Variants in SCFD2 observed in about 807,000 individuals in gnomAD.
SCFD2 encodes the protein sec1 family domain containing 2.
A neutral mutation model predicts 58.9 loss-of-function variants in SCFD2; 54 were observed. That is an observed-to-expected ratio of 0.92 (90% CI 0.74 to 1.15). The LOEUF (loss-of-function observed/expected upper bound fraction) is 1.15. SCFD2 is among the 50% of genes most tolerant of loss of function. The pLI, the probability that SCFD2 is intolerant of heterozygous loss-of-function variation, is 0.00. For missense variants in SCFD2, 805 were observed against 836.6 expected (o/e 0.96, Z 0.47); for synonymous variants, 321 against 335.9 (o/e 0.96, Z 0.49).
rs547100292 is a variant in SCFD2, at chr4:53,215,424, G to A, written c.1311+58402C>T. 1.3e-4 allele frequency among the ~76,000 whole-genome samples: 20 copies of A among 152,224 alleles called. No individual in the cohort carries two copies. In the South Asian group the frequency reaches 3.9e-3, roughly 30 times the overall value. On this transcript the variant is annotated intron_variant, in intron 4 of 8. Transcript: ENST00000401642. ...TATTCTCTTTGAAGCAATTGTGAAT[G>A]GGAGTTCACTCATGATTTGGCTGTC...
chr4:53,087,454 C>T (rs1724339826), intron 5 of SCFD2, among the ~76,000 whole-genome samples: 1 of 152,128 alleles, frequency 6.6e-6, no homozygotes, highest in Non-Finnish European at 1.5e-5. Context: ...CTGCCTCAGC[C>T]TCCCAAGTAG....
intron 5 of SCFD2, among the ~76,000 whole-genome samples, chr4:52,972,055 C>A (rs1721117164): frequency 6.6e-6 from 1 of 152,180 alleles, no homozygotes; most frequent in South Asian, 2.1e-4. Context: ...CCAGCCACTG[C>A]AAAAACATGC....
chr4:53,203,906 TG>T (rs1290567263), intron 4 of SCFD2, among the ~76,000 whole-genome samples: 1 of 152,168 alleles, frequency 6.6e-6, no homozygotes, highest in African/African-American at 2.4e-5. Context: ...AATCACATTT[TG>T]GTCTAGGAAT....
At chr4:52,883,057 T>C (rs963433740) in intron 8 of SCFD2, among the ~76,000 whole-genome samples, 2 of 152,212 alleles carry the variant, frequency 1.3e-5, no homozygotes, top group African/African-American at 2.4e-5. Flanking sequence ...ATAGATTCCA[T>C]AGAACCTATC....
chr4:53,067,518 G>A (rs781450749), intron 5 of SCFD2, among the ~76,000 whole-genome samples: 4 of 152,062 alleles, frequency 2.6e-5, no homozygotes, highest in South Asian at 4.1e-4. Context: ...GTGGGACTAG[G>A]TGGAGATAAC....
chr4:53,150,979 G>C (rs1427279892), intron 4 of SCFD2, among the ~76,000 whole-genome samples: 7 of 152,162 alleles, frequency 4.6e-5, no homozygotes, highest in Non-Finnish European at 8.8e-5. Context: ...TGTAACGTCA[G>C]AAGTGAATTA....
At chr4:53,302,059 T>C (rs1158836911) in intron 3 of SCFD2, among the ~76,000 whole-genome samples, 1 of 152,160 alleles carries the variant, frequency 6.6e-6, no homozygotes, top group Non-Finnish European at 1.5e-5. Flanking sequence ...GGATGCCCTC[T>C]CTCACCACTC....
chr4:53,259,478 CT>C (rs1011970535), intron 4 of SCFD2, among the ~76,000 whole-genome samples: 2 of 152,108 alleles, frequency 1.3e-5, no homozygotes, highest in Non-Finnish European at 2.9e-5. Flanking sequence ...AATAGGGTGT[CT>C]TTTCCCCACT....
At chr4:53,189,433 A>G (rs144940781) in intron 4 of SCFD2, among the ~76,000 whole-genome samples, 4 of 152,328 alleles carry the variant, frequency 2.6e-5, no homozygotes, top group Non-Finnish European at 4.4e-5. Flanking sequence ...TGTCTTGGTC[A>G]GCATGGGTTA....
At chr4:52,922,750 G>A (rs1719770918) in intron 5 of SCFD2, among the ~76,000 whole-genome samples, 1 of 152,094 alleles carries the variant, frequency 6.6e-6, no homozygotes, top group Admixed American at 6.5e-5. Flanking sequence ...TGGTCATATG[G>A]TAACTTTGTG....
intron 7 of SCFD2, among the ~76,000 whole-genome samples, chr4:52,905,374 G>A (rs140921206): frequency 8.5e-5 from 13 of 152,310 alleles, no homozygotes; most frequent in South Asian, 6.2e-4. Context: ...GTTCAGCCAC[G>A]GAGAAGGCCC....
chr4:52,941,586 G>T (rs533438245), intron 5 of SCFD2, among the ~76,000 whole-genome samples: 28 of 152,294 alleles, frequency 1.8e-4, no homozygotes, highest in Admixed American at 9.8e-4. Context: ...AGCGAGTATT[G>T]GGAAGCCAGA....
chr4:53,348,575 T>C (rs1192898773), intron 2 of SCFD2, among the ~76,000 whole-genome samples: 1 of 152,244 alleles, frequency 6.6e-6, no homozygotes, highest in Non-Finnish European at 1.5e-5. Context: ...TAGACCTCTA[T>C]TTGTTTATAA....
chr4:52,912,627 A>G (rs1490081083), intron 6 of SCFD2, among the ~76,000 whole-genome samples: 1 of 152,204 alleles, frequency 6.6e-6, no homozygotes, highest in Non-Finnish European at 1.5e-5. Context: ...GGCACGAAAC[A>G]GTACTTGTGC....
At chr4:53,007,178 G>A (rs571300309) in intron 5 of SCFD2, among the ~76,000 whole-genome samples, 1 of 151,750 alleles carries the variant, frequency 6.6e-6, no homozygotes, top group East Asian at 1.9e-4. Flanking sequence ...CCACTCAGAA[G>A]GCTGAGGGGA....
intron 4 of SCFD2, among the ~76,000 whole-genome samples, chr4:53,249,609 G>A (rs192424018): frequency 4.6e-5 from 7 of 152,228 alleles, no homozygotes; most frequent in East Asian, 1.9e-4. Context: ...CAGATCTCTC[G>A]GCAAAAACTC....
intron 5 of SCFD2, among the ~76,000 whole-genome samples, chr4:53,097,994 T>C (rs1724710145): frequency 6.6e-6 from 1 of 152,222 alleles, no homozygotes; most frequent in Admixed American, 6.5e-5. Context: ...TTGTCTTTGG[T>C]TCTGTTTACA....
At chr4:53,284,342 T>C (rs1731600158) in intron 3 of SCFD2, among the ~76,000 whole-genome samples, 1 of 152,038 alleles carries the variant, frequency 6.6e-6, no homozygotes, top group Non-Finnish European at 1.5e-5. Flanking sequence ...CCTTATTATA[T>C]AGAAAAAAGT....
chr4:52,953,005 G>A (rs1720636190), intron 5 of SCFD2, among the ~76,000 whole-genome samples: 1 of 152,178 alleles, frequency 6.6e-6, no homozygotes, highest in Non-Finnish European at 1.5e-5. Context: ...ATGTCCCATA[G>A]GCCCAGCAAC....
Sources: allele counts gnomAD v4.1 joint callset (sites outside exome capture counted in the v4.1 genomes callset), GRCh38; gene constraint gnomAD v4.1.1; transcripts MANE v1.5; gene names NCBI Gene and HGNC (gene_info 2026-07-23, HGNC 2026-07-21).